PPP4R4: variants seen among roughly 807,000 people sequenced by gnomAD.
PPP4R4 encodes the protein protein phosphatase 4 regulatory subunit 4.
Under a neutral mutation model 121.8 loss-of-function variants are expected in PPP4R4, and 70 were observed. That is an observed-to-expected ratio of 0.57 (90% CI 0.47 to 0.70). The LOEUF is 0.70. Among genes scored for constraint, PPP4R4 ranks in the 30% least tolerant of loss-of-function variants. The pLI is 0.00. For synonymous variants in PPP4R4, 348 were observed against 355.7 expected (o/e 0.98, Z 0.24); for missense variants, 875 against 1,033.6 (o/e 0.85, Z 2.10).
At chr14:94,176,012 C>G in intron 1 of PPP4R4, 42 bp from the exon 2 acceptor site, 1 of 1,509,336 alleles carries the variant, frequency 6.6e-7, no homozygotes, top group Non-Finnish European at 9.2e-7. Flanking sequence ...CAAGACTGAA[C>G]CAATATTTGT....
chr14:94,268,931 A>C (rs1057141864), intron 23 of PPP4R4, among the ~76,000 whole-genome samples: 8 of 152,172 alleles, frequency 5.3e-5, no homozygotes, highest in Non-Finnish European at 1.5e-5. Flanking sequence ...TATTTTATTA[A>C]AATATTTGAA....
chr14:94,206,302 A>G (rs891755686), intron 2 of PPP4R4, among the ~76,000 whole-genome samples: 2 of 151,660 alleles, frequency 1.3e-5, no homozygotes, highest in East Asian at 1.9e-4. Context: ...TTTGATTCAC[A>G]TTTCTATGAT....
intron 2 of PPP4R4, among the ~76,000 whole-genome samples, chr14:94,199,703 G>A (rs750294700): frequency 1.3e-5 from 2 of 151,974 alleles, no homozygotes; most frequent in African/African-American, 2.4e-5. Flanking sequence ...AGCAGCCCGC[G>A]CTCTCCTCTG....
chr14:94,214,466 A>C (rs1890912330), intron 3 of PPP4R4, among the ~76,000 whole-genome samples: 1 of 151,668 alleles, frequency 6.6e-6, no homozygotes, highest in Non-Finnish European at 1.5e-5. Context: ...TACTGACTGC[A>C]CTCCAGCTAG....
chr14:94,246,576 CA>C, intron 14 of PPP4R4, 37 bp downstream of exon 14: 1 of 1,555,472 alleles, frequency 6.4e-7, no homozygotes, highest in Non-Finnish European at 8.7e-7. Flanking sequence ...CTTTTGAACT[CA>C]TGGTTGGTTC....
At chr14:94,227,908 T>G (rs1398750858) in intron 3 of PPP4R4, 1 of 973,450 alleles carries the variant, frequency 1.0e-6, no homozygotes, top group Non-Finnish European at 1.2e-6. Context: ...AACCCCAAAT[T>G]GTTAGTGTGG....
intron 16 of PPP4R4, among the ~76,000 whole-genome samples, chr14:94,256,083 T>C (rs146318431): frequency 6.6e-6 from 1 of 152,334 alleles, no homozygotes; most frequent in Non-Finnish European, 1.5e-5. Context: ...CAGTGGAACC[T>C]TCAATGACAA....
At chr14:94,272,875 G>A (rs1051044175) in intron 23 of PPP4R4, among the ~76,000 whole-genome samples, 21 of 152,072 alleles carry the variant, frequency 1.4e-4, no homozygotes, top group African/African-American at 5.1e-4. Flanking sequence ...ATATATAGAT[G>A]GAAAACAAGC....
intron 2 of PPP4R4, among the ~76,000 whole-genome samples, chr14:94,188,444 CA>C (rs1889409062): frequency 6.6e-6 from 1 of 152,054 alleles, no homozygotes; most frequent in African/African-American, 2.4e-5. Flanking sequence ...ACCCTACAAT[CA>C]AAATGCCTTG....
chr14:94,224,252 C>T (rs1891573181), intron 3 of PPP4R4, among the ~76,000 whole-genome samples: 1 of 152,094 alleles, frequency 6.6e-6, no homozygotes, highest in Admixed American at 6.5e-5. Flanking sequence ...TCCTTAGGTG[C>T]ATTATGCAAG....
intron 16 of PPP4R4, among the ~76,000 whole-genome samples, chr14:94,255,829 A>G (rs1234844196): frequency 6.6e-6 from 1 of 152,102 alleles, no homozygotes; most frequent in Admixed American, 6.5e-5. Flanking sequence ...AAACCTACCA[A>G]TGGCTTCTTG....
chr14:94,214,476 G>A (rs1440528229), intron 3 of PPP4R4, among the ~76,000 whole-genome samples: 3 of 150,970 alleles, frequency 2.0e-5, no homozygotes, highest in African/African-American at 2.4e-5. Flanking sequence ...ACTCCAGCTA[G>A]GGCGGCATAG....
chr14:94,269,833 GTC>G (rs1248384973), intron 23 of PPP4R4, among the ~76,000 whole-genome samples: 1 of 152,138 alleles, frequency 6.6e-6, no homozygotes, highest in African/African-American at 2.4e-5. Flanking sequence ...GTTCAGGAAA[GTC>G]TGAGAAACTG....
intron 5 of PPP4R4, among the ~76,000 whole-genome samples, chr14:94,232,081 C>T (rs1318718259): frequency 6.6e-6 from 1 of 151,960 alleles, no homozygotes; most frequent in Non-Finnish European, 1.5e-5. Flanking sequence ...GTTATATTTA[C>T]AAATATTATT....
At chr14:94,227,021 T>C (rs1399177643) in intron 3 of PPP4R4, among the ~76,000 whole-genome samples, 2 of 152,210 alleles carry the variant, frequency 1.3e-5, no homozygotes, top group South Asian at 4.1e-4. Context: ...GAGTGTATTA[T>C]GTTGTTTTAC....
chr14:94,174,458 G>C lies in PPP4R4; in HGVS notation c.-8G>C. On this transcript the variant is annotated 5_prime_UTR_variant, in exon 1 of 25. Transcript: ENST00000304338. ...TCCGGCCCGGGCGGCGAGAGTGCCC[G>C]GCGGTCCATGCATCCGCCGCCGCCC... 6.3e-7 allele frequency: 1 copy of C among 1,589,714 alleles called. No homozygotes were observed. The highest frequency in any genetic ancestry group is 8.5e-7 in the Non-Finnish European group (1 of 1,169,868).
intron 2 of PPP4R4, among the ~76,000 whole-genome samples, chr14:94,190,990 T>G (rs1889566495): frequency 6.6e-6 from 1 of 152,110 alleles, no homozygotes; most frequent in African/African-American, 2.4e-5. Context: ...AAACTAAAAT[T>G]TAACAATTAT....
chr14:94,230,585 AGG>A lies in PPP4R4; in HGVS notation c.295-1_295del, dbSNP rs1229393145. The A allele has an allele frequency of 1.2e-6, 2 of 1,608,222 alleles. No homozygotes were observed. Among genetic ancestry groups the A allele is most frequent in the Admixed American group, 3.4e-5 (2 of 59,382 alleles). On this transcript the variant is annotated splice_acceptor_variant and coding_sequence_variant, in exon 4 of 25. Coordinates refer to ENST00000304338, the MANE Select transcript of PPP4R4 (RefSeq NM_058237.2). LOFTEE classifies it high-confidence loss of function. ...AATAGCAAACTCTTTCTGATTATAC[AGG>A]AAGCCCTGCATGTTGCAGGAGTGGA... is the stretch of plus-strand genomic sequence containing the variant.
intron 19 of PPP4R4, among the ~76,000 whole-genome samples, chr14:94,259,959 C>T (rs1893685224): frequency 1.3e-5 from 2 of 152,112 alleles, no homozygotes; most frequent in Admixed American, 1.3e-4. Context: ...CCATTCACCT[C>T]TTTATGGACA....
Sources: allele counts gnomAD v4.1 joint callset (sites outside exome capture counted in the v4.1 genomes callset), GRCh38; gene constraint gnomAD v4.1.1; transcripts MANE v1.5; gene names NCBI Gene and HGNC (gene_info 2026-07-23, HGNC 2026-07-21).